RBFOX1: variants seen among roughly 807,000 people sequenced by gnomAD.
RBFOX1 encodes RNA binding protein fox-1 homolog 1.
Under a neutral mutation model 57.7 loss-of-function variants are expected in RBFOX1, and 8 were observed. The ratio of observed to expected loss-of-function variants is 0.14; its 90% CI spans 0.08 to 0.25. The LOEUF (loss-of-function observed/expected upper bound fraction) is 0.25. RBFOX1 is among the 10% of genes least tolerant of loss of function. The probability of loss-of-function intolerance (pLI) is 1.00; values close to 1 mark genes in which losing one functional copy is unlikely to be tolerated. For synonymous variants in RBFOX1, 326 were observed against 222.4 expected (o/e 1.47, Z -4.15); for missense variants, 611 against 548.5 (o/e 1.11, Z -1.14).
chr16:6,582,572 A>G (rs530260890), intron 2 of RBFOX1, among the ~76,000 whole-genome samples: 227 of 152,010 alleles, frequency 1.5e-3, no homozygotes, highest in African/African-American at 5.3e-3. Context: ...GGCCTCCTCA[A>G]TGAAAGGTTA....
intron 2 of RBFOX1, among the ~76,000 whole-genome samples, chr16:6,404,545 T>C (rs1192635487): frequency 1.3e-5 from 2 of 152,228 alleles, no homozygotes; most frequent in Non-Finnish European, 1.5e-5. Flanking sequence ...TACTCTAATA[T>C]TTCATGCCAG....
intron 3 of RBFOX1, among the ~76,000 whole-genome samples, chr16:5,691,474 G>C (rs2050678819): frequency 6.6e-6 from 1 of 152,148 alleles, no homozygotes; most frequent in South Asian, 2.1e-4. Flanking sequence ...AATGTTCATG[G>C]CAACTTTTAA....
chr16:7,351,337 C>A (rs1005534699), intron 4 of RBFOX1, among the ~76,000 whole-genome samples: 2 of 152,246 alleles, frequency 1.3e-5, no homozygotes, highest in African/African-American at 4.8e-5. Context: ...CTGGTTAGTT[C>A]ATTCCTTTGA....
intron 2 of RBFOX1, among the ~76,000 whole-genome samples, chr16:6,416,802 A>C (rs985290527): frequency 1.3e-5 from 2 of 152,212 alleles, no homozygotes; most frequent in Admixed American, 1.3e-4. Flanking sequence ...AACAGGTTGC[A>C]GTGCTGGTAA....
chr16:5,879,933 C>A (rs2057721782), intron 4 of RBFOX1, among the ~76,000 whole-genome samples: 1 of 152,216 alleles, frequency 6.6e-6, no homozygotes, highest in Non-Finnish European at 1.5e-5. Context: ...CTTCTACTCA[C>A]AGTCCGCCAG....
intron 2 of RBFOX1, among the ~76,000 whole-genome samples, chr16:6,539,777 G>A (rs981672413): frequency 1.1e-4 from 11 of 100,536 alleles, no homozygotes; most frequent in African/African-American, 3.0e-4. Context: ...CAGCCTAGGC[G>A]GCAGACTGAG....
At chr16:7,594,162 TC>T (rs2094577144) in intron 7 of RBFOX1, among the ~76,000 whole-genome samples, 1 of 151,768 alleles carries the variant, frequency 6.6e-6, no homozygotes, top group Non-Finnish European at 1.5e-5. Context: ...TGTGTGATGT[TC>T]CCCGCCCTGT....
At chr16:6,989,296 A>T (rs1028909285) in intron 3 of RBFOX1, among the ~76,000 whole-genome samples, 1 of 152,234 alleles carries the variant, frequency 6.6e-6, no homozygotes, top group African/African-American at 2.4e-5. Context: ...TAATTTGTCT[A>T]TGAAGATATA....
At chr16:7,051,908 T>A in intron 3 of RBFOX1, 149 bp from the exon 4 acceptor site, 1 of 1,196,066 alleles carries the variant, frequency 8.4e-7, no homozygotes, top group Non-Finnish European at 1.2e-6. Context: ...AAGCTTGAGC[T>A]ATGTAGACCT....
intron 4 of RBFOX1, among the ~76,000 whole-genome samples, chr16:7,455,608 G>A (rs374179046): frequency 2.0e-5 from 3 of 151,440 alleles, no homozygotes; most frequent in South Asian, 4.2e-4. Flanking sequence ...CCTAGGCAAC[G>A]TGGTGAAATC....
intron 4 of RBFOX1, among the ~76,000 whole-genome samples, chr16:5,876,152 A>G (rs948904812): frequency 1.3e-5 from 2 of 151,978 alleles, no homozygotes; most frequent in Admixed American, 6.6e-5. Flanking sequence ...CTATCCCACA[A>G]TTTTTACCTT....
intron 4 of RBFOX1, among the ~76,000 whole-genome samples, chr16:7,120,110 A>C (rs1269727839): frequency 6.6e-6 from 1 of 152,146 alleles, no homozygotes; most frequent in Non-Finnish European, 1.5e-5. Context: ...CCATAGTTCA[A>C]AGAGGAAGTC....
At position 7,080,857 on chromosome 16, in the gene RBFOX1, C is replaced by A. The variant is rs147198814; in HGVS notation, c.27+28759C>A. 6.6e-3 allele frequency among the ~76,000 whole-genome samples: 1,005 copies of A among 152,298 alleles called. 17 individuals carry two copies. Among genetic ancestry groups the A allele is most frequent in the South Asian group, 0.021 (103 of 4,826 alleles). On this transcript the variant is annotated intron_variant, in intron 4 of 15. Coordinates refer to ENST00000550418, the MANE Select transcript of RBFOX1 (RefSeq NM_018723.4). ...TTGCCTCAAGGCCACAATCCATCCT[C>A]AGGACCAAGGGAGCCTTTGAAATAA...
intron 3 of RBFOX1, among the ~76,000 whole-genome samples, chr16:6,907,515 C>G (rs1367760747): frequency 6.6e-6 from 1 of 152,142 alleles, no homozygotes; most frequent in Non-Finnish European, 1.5e-5. Flanking sequence ...CTTCTGAAAA[C>G]TGGGAGAGAG....
chr16:6,074,261 C>G (rs1442349035), intron 1 of RBFOX1, among the ~76,000 whole-genome samples: 4 of 152,068 alleles, frequency 2.6e-5, no homozygotes, highest in African/African-American at 7.2e-5. Context: ...AAGCTTCTTT[C>G]TCTCTCCCCC....
intron 1 of RBFOX1, among the ~76,000 whole-genome samples, chr16:5,343,060 T>C (rs1019716750): frequency 6.6e-6 from 1 of 152,206 alleles, no homozygotes; most frequent in African/African-American, 2.4e-5. Flanking sequence ...GGAGTGGTCA[T>C]ACAACCTAGA....
intron 3 of RBFOX1, among the ~76,000 whole-genome samples, chr16:7,032,751 C>T (rs1405141125): frequency 2.0e-5 from 3 of 152,004 alleles, no homozygotes; most frequent in Non-Finnish European, 4.4e-5. Flanking sequence ...TTGTCGGTGG[C>T]AAATTTTCCT....
At chr16:6,943,066 G>A (rs2078840466) in intron 3 of RBFOX1, among the ~76,000 whole-genome samples, 1 of 152,202 alleles carries the variant, frequency 6.6e-6, no homozygotes, top group Non-Finnish European at 1.5e-5. Flanking sequence ...CTTTACGTTA[G>A]ATGCTGTTGG....
intron 1 of RBFOX1, among the ~76,000 whole-genome samples, chr16:5,443,370 C>A (rs1470701875): frequency 6.6e-6 from 1 of 152,172 alleles, no homozygotes; most frequent in East Asian, 1.9e-4. Context: ...TGGAGTGTCA[C>A]TCTGTTACCC....
Sources: allele counts gnomAD v4.1 joint callset (sites outside exome capture counted in the v4.1 genomes callset), GRCh38; gene constraint gnomAD v4.1.1; transcripts MANE v1.5; gene names NCBI Gene and HGNC (gene_info 2026-07-23, HGNC 2026-07-21).